TMPRSS11E: variants seen among roughly 807,000 people sequenced by gnomAD.
TMPRSS11E encodes the protein transmembrane serine protease 11E, also known as transmembrane protease serine 11E.
A neutral mutation model predicts 48.1 loss-of-function variants in TMPRSS11E; 38 were observed. That is an observed-to-expected ratio of 0.79 (90% CI 0.61 to 1.04). The LOEUF is 1.04. Among genes scored for constraint, TMPRSS11E ranks in the 50% least tolerant of loss-of-function variants. The pLI is 0.00. For synonymous variants in TMPRSS11E, 158 were observed against 171.9 expected, an observed-to-expected ratio of 0.92 and a Z score of 0.63; for missense variants, 530 against 510.8, an observed-to-expected ratio of 1.04 and a Z score of -0.36.
Position 68,478,875 on chromosome 4 carries a change from G to A in TMPRSS11E, c.994G>A (p.Ala332Thr). ...DGYSQNHLRQAQVTLIDATTC... is the reference protein window; with the variant it reads ...DGYSQNHLRQTQVTLIDATTC... ...TTACAGTCAAAATCATCTTCGACAA[G>A]CACAGGTGACTCTCATAGACGCTAC... Residue 332 changes from alanine (A) to threonine (T), a missense_variant, in exon 9 of 10, where the codon GCA becomes ACA. Ala to Thr is a moderately conservative substitution (Grantham distance 58). Transcript: ENST00000305363. 1.9e-6 allele frequency: 3 copies of A among 1,613,852 alleles called. No homozygotes were observed. Among genetic ancestry groups the A allele is most frequent in the Non-Finnish European group, 2.5e-6 (3 of 1,179,922 alleles).
chr4:68,448,008 A>G (rs538221692), intron 1 of TMPRSS11E, among the ~76,000 whole-genome samples: 7 of 152,036 alleles, frequency 4.6e-5, no homozygotes, highest in Non-Finnish European at 8.8e-5. Context: ...ACTGAAGAAA[A>G]TAATATGACT....
rs189471899 is a variant in TMPRSS11E, at chr4:68,464,722, A to T, written c.137-1909A>T. ...TTTGACCTGTACTAATGGTGATTTT[A>T]AATCATTCAATCTAATAAGCCAAAA... On this transcript the variant is annotated intron_variant, in intron 2 of 9. Coordinates refer to ENST00000305363, the MANE Select transcript of TMPRSS11E (RefSeq NM_014058.4). Among the ~76,000 whole-genome samples, 600 of 152,310 alleles carry T rather than the reference A, an allele frequency of 3.9e-3. 7 individuals carry two copies. Among genetic ancestry groups the T allele is most frequent in the African/African-American group, 0.014 (572 of 41,566 alleles).
chr4:68,487,885 G>A (rs534247074), intron 9 of TMPRSS11E, among the ~76,000 whole-genome samples: 1 of 143,694 alleles, frequency 7.0e-6, no homozygotes, highest in South Asian at 2.2e-4. Flanking sequence ...AGGTTACAGT[G>A]AGCTGAGATC....
At chr4:68,458,355 A>AC (rs554100254) in intron 1 of TMPRSS11E, among the ~76,000 whole-genome samples, 1 of 138,334 alleles carries the variant, frequency 7.2e-6, no homozygotes, top group Non-Finnish European at 1.6e-5. Context: ...GGCTAAAAAA[A>AC]CAAAGCATAC....
chr4:68,474,575 T>G (rs1729158101), intron 5 of TMPRSS11E, 148 bp from the exon 6 acceptor site: 1 of 746,746 alleles, frequency 1.3e-6, no homozygotes, highest in African/African-American at 1.8e-5. Context: ...ATGATCATCC[T>G]ATGTCTATGA....
intron 3 of TMPRSS11E, 81 bp downstream of exon 3, chr4:68,466,833 C>CGTT: frequency 1.3e-6 from 2 of 1,562,744 alleles, no homozygotes; most frequent in African/African-American, 1.4e-5. Flanking sequence ...CTAAAAGATC[C>CGTT]ATTCAACTAA....
chr4:68,476,849 A>G (rs1729233376), intron 7 of TMPRSS11E, among the ~76,000 whole-genome samples: 1 of 152,188 alleles, frequency 6.6e-6, no homozygotes, highest in South Asian at 2.1e-4. Flanking sequence ...GAATTATGTA[A>G]TGAAGATATG....
chr4:68,475,204 A>G (rs2603185), intron 6 of TMPRSS11E, among the ~76,000 whole-genome samples: 143,062 of 152,070 alleles, frequency 0.94, 67,842 homozygotes, highest in Non-Finnish European at 1. Context: ...TTATCGGGTC[A>G]TGGAAGAGTC....
In TMPRSS11E at chr4:68,477,600, G is replaced by C; in HGVS notation, c.939G>C (p.Val313=). Residue 313 remains valine, a synonymous_variant, in exon 8 of 10, where the codon GTG becomes GTC. Coordinates refer to ENST00000305363, the MANE Select transcript of TMPRSS11E (RefSeq NM_014058.4). ...TTCAACCAGGTGATGTGATGTTTGT[G>C]ACAGGATTTGGAGCACTGAAAAATG... ...YEFQPGDVMF[V]TGFGALKNDG... 6.2e-7 allele frequency: 1 copy of C among 1,613,926 alleles called. No individual in the cohort carries two copies. Among genetic ancestry groups the C allele is most frequent in the Non-Finnish European group, 8.5e-7 (1 of 1,179,936 alleles).
chr4:68,488,954 G>C (rs1729640219), intron 9 of TMPRSS11E, among the ~76,000 whole-genome samples: 1 of 152,134 alleles, frequency 6.6e-6, no homozygotes, highest in Non-Finnish European at 1.5e-5. Flanking sequence ...GATCTTCATT[G>C]ACATCTGTAT....
chr4:68,493,136 G>A (rs1729775721), intron 9 of TMPRSS11E, among the ~76,000 whole-genome samples: 1 of 151,460 alleles, frequency 6.6e-6, no homozygotes, highest in African/African-American at 2.4e-5. Flanking sequence ...AAATTTCAAT[G>A]GTATGCAAAA....
chr4:68,448,331 G>A (rs1728399632), intron 1 of TMPRSS11E, among the ~76,000 whole-genome samples: 1 of 151,914 alleles, frequency 6.6e-6, no homozygotes, highest in African/African-American at 2.4e-5. Flanking sequence ...GTCATCAGTT[G>A]AAAGTTCTAC....
At chr4:68,471,761 T>G (rs1214121744) in intron 5 of TMPRSS11E, 138 bp downstream of exon 5, 2 of 571,244 alleles carry the variant, frequency 3.5e-6, no homozygotes, top group Non-Finnish European at 5.7e-6. Context: ...TGGAACTAAA[T>G]TTGTCCTAAT....
chr4:68,455,464 G>A (rs1728604306), intron 1 of TMPRSS11E, among the ~76,000 whole-genome samples: 1 of 151,916 alleles, frequency 6.6e-6, no homozygotes, highest in African/African-American at 2.4e-5. Flanking sequence ...TTTCTCATCT[G>A]TTTGAACTAA....
At chr4:68,448,782 A>G (rs531919417) in intron 1 of TMPRSS11E, among the ~76,000 whole-genome samples, 9 of 151,968 alleles carry the variant, frequency 5.9e-5, no homozygotes, top group East Asian at 1.9e-4. Flanking sequence ...CTAACAAACA[A>G]AAACGTCTTC....
At position 68,474,775 on chromosome 4, in the gene TMPRSS11E, A is replaced by G. The variant is rs1729164786; in HGVS notation, c.529+14A>G. The G allele has an allele frequency of 6.3e-7, 1 of 1,590,014 alleles. No homozygotes were observed. The highest frequency in any genetic ancestry group is 8.5e-7 in the Non-Finnish European group (1 of 1,170,636). ...ATCTAAACCATTGTAAGTTTAATAT[A>G]TTTATTAAAATAGCATTACCTGAAG... On this transcript the variant is annotated intron_variant, in intron 6 of 9. Transcript: ENST00000305363.
chr4:68,467,220 T>A (rs1728952068), intron 3 of TMPRSS11E, among the ~76,000 whole-genome samples: 1 of 152,150 alleles, frequency 6.6e-6, no homozygotes. Flanking sequence ...AATCCACAGA[T>A]ATGCAACTCT....
intron 9 of TMPRSS11E, among the ~76,000 whole-genome samples, chr4:68,490,298 T>C (rs987473346): frequency 5.9e-5 from 9 of 152,228 alleles, no homozygotes; most frequent in Non-Finnish European, 8.8e-5. Flanking sequence ...GGTCTTCTTG[T>C]CTGCGTCTGG....
chr4:68,452,764 T>C (rs910606481), intron 1 of TMPRSS11E, among the ~76,000 whole-genome samples: 1 of 151,970 alleles, frequency 6.6e-6, no homozygotes, highest in African/African-American at 2.4e-5. Flanking sequence ...TTAAAAATAT[T>C]TCAAACCAAT....
Sources: allele counts gnomAD v4.1 joint callset (sites outside exome capture counted in the v4.1 genomes callset), GRCh38; gene constraint gnomAD v4.1.1; transcripts MANE v1.5; gene names NCBI Gene and HGNC (gene_info 2026-07-23, HGNC 2026-07-21).